Variants in RIN3 observed in about 807,000 individuals in gnomAD.
The protein encoded by RIN3 is RAB5 interacting protein 3.
Under a neutral mutation model 76.3 loss-of-function variants are expected in RIN3, and 54 were observed. That is an observed-to-expected ratio of 0.71 (90% CI 0.57 to 0.89). RIN3 has a LOEUF of 0.89. Ranked by LOEUF, RIN3 falls within the 40% of genes least tolerant of loss-of-function variation. RIN3 has a pLI of 0.00. For synonymous variants in RIN3, 576 were observed against 564.0 expected (o/e 1.02, Z -0.30); for missense variants, 1,256 against 1,322.1 (o/e 0.95, Z 0.78).
intron 1 of RIN3, among the ~76,000 whole-genome samples, chr14:92,531,911 G>A (rs1032457444): frequency 6.6e-6 from 1 of 151,112 alleles, no homozygotes; most frequent in African/African-American, 2.4e-5. Context: ...AGTAAGTGGA[G>A]GCAAGTCTCC....
At chr14:92,617,972 G>T (rs941314098) in intron 4 of RIN3, among the ~76,000 whole-genome samples, 3 of 152,148 alleles carry the variant, frequency 2.0e-5, no homozygotes, top group South Asian at 2.1e-4. Flanking sequence ...AATAAATTAT[G>T]CCCTTCTAGA....
chr14:92,547,854 C>T (rs901251184), intron 1 of RIN3, among the ~76,000 whole-genome samples: 9 of 152,098 alleles, frequency 5.9e-5, no homozygotes, highest in African/African-American at 1.9e-4. Flanking sequence ...CAGGCATGTG[C>T]AGCCATACCC....
intron 3 of RIN3, among the ~76,000 whole-genome samples, chr14:92,601,581 C>G (rs896987949): frequency 2.6e-5 from 4 of 152,194 alleles, no homozygotes; most frequent in African/African-American, 9.7e-5. Context: ...TGTTACCCAC[C>G]TCCCTTCTCC....
In RIN3 at chr14:92,514,592, C is replaced by T. The variant is rs1351447323; in HGVS notation, c.44+616C>T. On this transcript the variant is annotated intron_variant, in intron 1 of 9. Transcript: ENST00000216487. The surrounding 1 kb of genome is among the most constrained non-coding windows in gnomAD (Gnocchi z 7.2). ...GGACCGGCCCTGGTCGAGCCTAGTG[C>T]TTGGGTAGGGTCCAGGGCGCACGGG... Among the ~76,000 whole-genome samples the T allele has an allele frequency of 6.6e-6, 1 of 152,268 alleles. No homozygotes were observed. The highest frequency in any genetic ancestry group is 1.5e-5 in the Non-Finnish European group (1 of 68,050).
intron 4 of RIN3, 197 bp downstream of exon 4, chr14:92,615,676 GAGCCCCTCCCTTCCACACC>G: frequency 1.7e-6 from 1 of 582,442 alleles, no homozygotes; most frequent in Non-Finnish European, 3.1e-6. Flanking sequence ...TATCTGATAA[GAGCCCCTCCCTTCCACACC>G]TGCCCCTCTG....
chr14:92,600,833 T>C (rs548802775), intron 3 of RIN3, among the ~76,000 whole-genome samples: 1 of 152,210 alleles, frequency 6.6e-6, no homozygotes, highest in Non-Finnish European at 1.5e-5. Context: ...ATGTTAGCAG[T>C]ATCCCCGGGC....
chr14:92,635,051 G>A (rs1384491968), intron 4 of RIN3, among the ~76,000 whole-genome samples: 3 of 152,080 alleles, frequency 2.0e-5, no homozygotes, highest in African/African-American at 7.2e-5. Flanking sequence ...GTTTTTTGTT[G>A]TCAGTGAGTG....
intron 2 of RIN3, among the ~76,000 whole-genome samples, chr14:92,560,986 A>C (rs1164212702): frequency 1.5e-5 from 2 of 132,752 alleles, no homozygotes; most frequent in Non-Finnish European, 3.1e-5. Context: ...GCACCACTGC[A>C]CTCCAGCCTG....
At chr14:92,677,898 G>A (rs541518049) in intron 8 of RIN3, among the ~76,000 whole-genome samples, 6 of 128,372 alleles carry the variant, frequency 4.7e-5, no homozygotes, top group East Asian at 4.9e-4. Flanking sequence ...CCATCTATAC[G>A]TCCACCCACC....
intron 2 of RIN3, among the ~76,000 whole-genome samples, chr14:92,573,102 G>A (rs557352325): frequency 5.3e-5 from 8 of 151,948 alleles, no homozygotes; most frequent in South Asian, 4.2e-4. Flanking sequence ...GGCTGGTCTC[G>A]AACTCCTGAC....
At chr14:92,582,449 T>G (rs1884586605) in intron 3 of RIN3, among the ~76,000 whole-genome samples, 1 of 136,996 alleles carries the variant, frequency 7.3e-6, no homozygotes, top group African/African-American at 2.7e-5. Flanking sequence ...TTACTTTTTT[T>G]TTTTTTTTTT....
Position 92,600,425 on chromosome 14 carries a change from C to T in RIN3, c.368-14982C>T, listed in dbSNP as rs113693094. ...GTGGGAAGAAAGCTGCACCCTGACC[C>T]CAGCAGGCTGGCTATTTACAAGCAT... is the stretch of plus-strand genomic sequence containing the variant. On this transcript the variant is annotated intron_variant, in intron 3 of 9. Transcript: ENST00000216487. Among the ~76,000 whole-genome samples, 684 of 152,292 alleles carry T rather than the reference C, an allele frequency of 4.5e-3. 11 individuals are homozygous for T. The highest frequency in any genetic ancestry group is 0.016 in the African/African-American group (648 of 41,574).
intron 1 of RIN3, among the ~76,000 whole-genome samples, chr14:92,555,344 G>C (rs547581535): frequency 6.0e-4 from 91 of 152,256 alleles, no homozygotes; most frequent in African/African-American, 2.1e-3. Flanking sequence ...ACAGACTCAA[G>C]TCTTGGGTCT....
At chr14:92,672,360 C>T (rs528233667) in intron 7 of RIN3, among the ~76,000 whole-genome samples, 3 of 152,170 alleles carry the variant, frequency 2.0e-5, no homozygotes, top group Admixed American at 6.5e-5. Context: ...TGCGGTGAGC[C>T]GAGATCGTGC....
Position 92,555,965 on chromosome 14 carries a change from G to T in RIN3, c.249+10G>T, listed in dbSNP as rs760993883. 6.2e-6 allele frequency: 10 copies of T among 1,607,786 alleles called. No individual in the cohort carries two copies. In the South Asian group the frequency reaches 9.9e-5, roughly 16 times the overall value. On this transcript the variant is annotated intron_variant, in intron 2 of 9. Coordinates refer to ENST00000216487, the MANE Select transcript of RIN3 (RefSeq NM_024832.5). ...CCGGGTGGTGGCTGGGGTGAGTGGG[G>T]GCGTCTCCCACTTGGTAGGCACACA...
At chr14:92,588,214 CTTTTTTTTTTTTTTTTTTTT>C (rs141155255) in intron 3 of RIN3, among the ~76,000 whole-genome samples, 6 of 58,760 alleles carry the variant, frequency 1.0e-4, no homozygotes, top group Non-Finnish European at 1.5e-4. Flanking sequence ...CCATAGCACT[CTTTTTTTTTTTTTTTTTTTT>C]TTTTTTTTTT....
intron 8 of RIN3, among the ~76,000 whole-genome samples, chr14:92,684,427 T>A (rs1172656552): frequency 2.0e-5 from 3 of 149,332 alleles, no homozygotes; most frequent in African/African-American, 7.4e-5. Context: ...TGTTTTATAA[T>A]AAAGTGTTGA....
chr14:92,543,428 A>C (rs1897170401), intron 1 of RIN3, among the ~76,000 whole-genome samples: 1 of 152,108 alleles, frequency 6.6e-6, no homozygotes, highest in African/African-American at 2.4e-5. Flanking sequence ...AACAGATACA[A>C]CTGCTGCTTG....
chr14:92,519,737 T>G (rs990843921), intron 1 of RIN3, among the ~76,000 whole-genome samples: 1 of 152,206 alleles, frequency 6.6e-6, no homozygotes, highest in African/African-American at 2.4e-5. Flanking sequence ...GCAGTGACGC[T>G]GTGTGCCTCC....
Sources: allele counts gnomAD v4.1 joint callset (sites outside exome capture counted in the v4.1 genomes callset), GRCh38; gene constraint gnomAD v4.1.1; non-coding constraint Gnocchi (gnomAD v3.1); transcripts MANE v1.5; gene names NCBI Gene and HGNC (gene_info 2026-07-23, HGNC 2026-07-21).